The following MSX2 variants were observed in gnomAD, a reference collection of about 807,000 sequenced individuals.
MSX2 encodes homeobox protein MSX-2.
A neutral mutation model predicts 18.4 loss-of-function variants in MSX2; 10 were observed. The ratio of observed to expected loss-of-function variants is 0.54; its 90% CI spans 0.34 to 0.92. The LOEUF (loss-of-function observed/expected upper bound fraction) is 0.92, where lower values mean the gene tolerates loss of function less well. Among genes scored for constraint, MSX2 ranks in the 40% least tolerant of loss-of-function variants. The pLI is 0.02. For missense variants in MSX2, 339 were observed against 364.0 expected (o/e 0.93, Z 0.56); for synonymous variants, 170 against 165.6 (o/e 1.03, Z -0.20).
Position 174,724,633 on chromosome 5 carries a change from T to C in MSX2, c.-27T>C. Reference sequence around the variant, plus strand: ...GCCGGGTTGCCAGCGGAGTCGCGCGTCGGGAGCTACGTAGGGCAGAGAAGT... The same window carrying C: ...GCCGGGTTGCCAGCGGAGTCGCGCGCCGGGAGCTACGTAGGGCAGAGAAGT... On this transcript the variant is annotated 5_prime_UTR_variant, in exon 1 of 2. Transcript: ENST00000239243. 1 of 1,571,026 alleles carries C rather than the reference T, an allele frequency of 6.4e-7. No individual in the cohort carries two copies. The highest frequency in any genetic ancestry group is 8.6e-7 in the Non-Finnish European group (1 of 1,159,092).
In MSX2 at chr5:174,724,655, A is replaced by G. The variant is rs775764061; in HGVS notation, c.-5A>G. 7 of 1,586,388 alleles carry G rather than the reference A, an allele frequency of 4.4e-6. No homozygotes were observed. The African/African-American group carries it at 8.1e-5, about 18-fold the overall frequency. Reference sequence around the variant, plus strand: ...GCGTCGGGAGCTACGTAGGGCAGAGAAGTCATGGCTTCTCCGTCCAAAGGC... The same window carrying G: ...GCGTCGGGAGCTACGTAGGGCAGAGGAGTCATGGCTTCTCCGTCCAAAGGC... On this transcript the variant is annotated 5_prime_UTR_variant, in exon 1 of 2. Transcript: ENST00000239243.
In MSX2 at chr5:174,729,969, C is replaced by G. The variant is rs1760891768; in HGVS notation, c.*386C>G. On this transcript the variant is annotated 3_prime_UTR_variant, in exon 2 of 2. Transcript: ENST00000239243. ...CTATATCTCACCTTCCCAAAAGACA[C>G]TGTGTAAGTCCATTTGTTGTATTTT... 6.6e-6 allele frequency: 1 copy of G among 152,092 alleles called. No individual in the cohort carries two copies. The highest frequency in any genetic ancestry group is 1.5e-5 in the Non-Finnish European group (1 of 68,068). 9.4% of individuals were successfully genotyped at this position (152,092 alleles called of 1,614,324 possible). A position where few individuals can be genotyped will look rare whatever the true frequency, so the allele number is the denominator to read the frequency against.
In MSX2 at chr5:174,729,645, C is replaced by G; in HGVS notation, c.*62C>G. 6.5e-7 allele frequency: 1 copy of G among 1,549,926 alleles called. No individual in the cohort carries two copies. The highest frequency in any genetic ancestry group is 8.8e-7 in the Non-Finnish European group (1 of 1,134,868). On this transcript the variant is annotated 3_prime_UTR_variant, in exon 2 of 2. Transcript: ENST00000239243. ...GTTTCAAAGGGTTTCCTCTCCCTCT[C>G]CACGAAGGCAGTACCAGCCAGTACT... is the stretch of plus-strand genomic sequence containing the variant.
intron 1 of MSX2, 37 bp downstream of exon 1, chr5:174,725,075 G>T: frequency 3.7e-6 from 6 of 1,605,334 alleles, no homozygotes; most frequent in Non-Finnish European, 2.5e-6. Context: ...GAGGTAGCGC[G>T]GGGTACTGGA....
rs1472977973 is a variant in MSX2 at position 174,729,990 on chromosome 5, AT to A, written c.*411del. 1 of 152,056 alleles carries A rather than the reference AT, an allele frequency of 6.6e-6. No homozygotes were observed. Among genetic ancestry groups the A allele is most frequent in the Non-Finnish European group, 1.5e-5 (1 of 68,008 alleles). The allele number at this position is 152,056 out of a possible 1,614,324, so 9.4% of individuals were successfully genotyped here. ...GACACTGTGTAAGTCCATTTGTTGT[AT>A]TTTCTTAAAGAGGGAGACAAATTAT... is the stretch of plus-strand genomic sequence containing the variant. On this transcript the variant is annotated 3_prime_UTR_variant, in exon 2 of 2. Transcript: ENST00000239243.
chr5:174,725,193 G>A, intron 1 of MSX2, 155 bp downstream of exon 1: 2 of 1,222,006 alleles, frequency 1.6e-6, no homozygotes, highest in Admixed American at 5.7e-5. Flanking sequence ...GGTGCCCGGG[G>A]CGTTCGGCGC....
Position 174,725,097 on chromosome 5 carries a change from G to A in MSX2, c.379+59G>A, listed in dbSNP as rs2048152. ...CGCGGGGTACTGGAGGGAGCGGGGG[G>A]CGGGTGTTCCAGGGCTGAGGGTACC... is the stretch of plus-strand genomic sequence containing the variant. On this transcript the variant is annotated intron_variant, in intron 1 of 1. Transcript: ENST00000239243. The A allele has an allele frequency of 0.89, 1,415,100 of 1,590,150 alleles. 634,764 individuals are homozygous for A. Among genetic ancestry groups the A allele is most frequent in the East Asian group, 0.98 (43,023 of 44,034 alleles).
At chr5:174,728,398 A>G (rs1370489626) in intron 1 of MSX2, among the ~76,000 whole-genome samples, 1 of 145,118 alleles carries the variant, frequency 6.9e-6, no homozygotes, top group African/African-American at 2.6e-5. Flanking sequence ...TTCAGATTTT[A>G]TAATCTGTGG....
intron 1 of MSX2, among the ~76,000 whole-genome samples, 192 bp downstream of exon 1, chr5:174,725,230 CACCCTCTGGGTAATA>C (rs1383721729): frequency 6.6e-6 from 1 of 152,222 alleles, no homozygotes; most frequent in Non-Finnish European, 1.5e-5. Context: ...GCATCCAAGA[CACCCTCTGGGTAATA>C]ACCGCGCTGT....
At chr5:174,725,872 A>G (rs1213569837) in intron 1 of MSX2, among the ~76,000 whole-genome samples, 1 of 152,092 alleles carries the variant, frequency 6.6e-6, no homozygotes, top group Non-Finnish European at 1.5e-5. Flanking sequence ...TGACTACCCT[A>G]TTTTTCAGAC....
rs912118050 is a variant in MSX2 at position 174,730,588 on chromosome 5, A to AT, written c.*1005_*1006insT. On this transcript the variant is annotated 3_prime_UTR_variant, in exon 2 of 2. Coordinates refer to ENST00000239243, the MANE Select transcript of MSX2 (RefSeq NM_002449.5). ...ATTAGTAGATCCAGAAAGAAAAAAA[A>AT]ATATGCTTTCTCTGTGTGTGTACCT... The AT allele has an allele frequency of 4.6e-5, 7 of 151,748 alleles. No homozygotes were observed. Among genetic ancestry groups the AT allele is most frequent in the East Asian group, 1.9e-4 (1 of 5,152 alleles). The allele number at this position is 151,748 out of a possible 1,614,324, so 9.4% of individuals were successfully genotyped here.
intron 1 of MSX2, among the ~76,000 whole-genome samples, chr5:174,727,054 AAAAAAAAC>A (rs1232858362): frequency 8.8e-6 from 1 of 113,152 alleles, no homozygotes; most frequent in African/African-American, 2.6e-5. Context: ...ACTTAAAGTA[AAAAAAAAC>A]AAAAAAACAA....
intron 1 of MSX2, among the ~76,000 whole-genome samples, chr5:174,727,671 G>C (rs1760833918): frequency 6.6e-6 from 1 of 152,126 alleles, no homozygotes; most frequent in African/African-American, 2.4e-5. Flanking sequence ...AGACTTTTAT[G>C]GTAGTTTCTT....
rs1312388702 is a variant in MSX2, at chr5:174,729,397, A to G, written c.618A>G (p.Glu206=). ...AAAGACTGCAGGAGGCAGAACTGGA[A>G]AAGCTGAAAATGGCTGCAAAACCTA... is the stretch of plus-strand genomic sequence containing the variant. ...KAKRLQEAEL[E]KLKMAAKPML... is the part of the protein sequence containing the mutation. The change falls in exon 2 of 2, where the codon GAA becomes GAG. Residue 206 remains glutamate (E), a synonymous_variant. Transcript: ENST00000239243. 1 of 1,614,076 alleles carries G rather than the reference A, an allele frequency of 6.2e-7. No individual in the cohort carries two copies. Among genetic ancestry groups the G allele is most frequent in the Non-Finnish European group, 8.5e-7 (1 of 1,180,040 alleles).
At chr5:174,726,028 C>G (rs1760789256) in intron 1 of MSX2, among the ~76,000 whole-genome samples, 1 of 152,204 alleles carries the variant, frequency 6.6e-6, no homozygotes, top group Admixed American at 6.5e-5. Flanking sequence ...CCCAGAGAGA[C>G]TAGGTAGAGA....
intron 1 of MSX2, among the ~76,000 whole-genome samples, chr5:174,727,231 G>A (rs1021570366): frequency 1.3e-5 from 2 of 152,036 alleles, no homozygotes; most frequent in Admixed American, 1.3e-4. Flanking sequence ...GAGGAAGTAG[G>A]ATAAACGCTG....
rs530005338 is a variant in MSX2 at position 174,729,727 on chromosome 5, C to T, written c.*144C>T. 60 of 805,600 alleles carry T rather than the reference C, an allele frequency of 7.4e-5. No individual in the cohort carries two copies. The East Asian group carries it at 1.0e-3, about 14-fold the overall frequency. The allele number at this position is 805,600 out of a possible 1,614,324, so 49.9% of individuals were successfully genotyped here. A position where few individuals can be genotyped will look rare whatever the true frequency, so the allele number is the denominator to read the frequency against. On this transcript the variant is annotated 3_prime_UTR_variant, in exon 2 of 2. Coordinates refer to ENST00000239243, the MANE Select transcript of MSX2 (RefSeq NM_002449.5). ...AAGCGGCTAGGCTGACAGGGCCACACGACATAGCTGAAATTTGTTCTGTAG... is the reference window on the plus strand; with the variant it reads ...AAGCGGCTAGGCTGACAGGGCCACATGACATAGCTGAAATTTGTTCTGTAG...
At chr5:174,725,142 T>C (rs1440420730) in intron 1 of MSX2, 104 bp downstream of exon 1, 4 of 1,488,096 alleles carry the variant, frequency 2.7e-6, no homozygotes, top group African/African-American at 1.4e-5. Context: ...CTGCGTGCGC[T>C]ACACTCCCGG....
In MSX2 at chr5:174,730,688, TTTGAC is replaced by T. The variant is rs572556594; in HGVS notation, c.*1109_*1113del. 3.9e-5 allele frequency: 6 copies of T among 152,724 alleles called. No homozygotes were observed. The South Asian group carries it at 1.2e-3, about 32-fold the overall frequency. The allele number at this position is 152,724 out of a possible 1,614,324, so 9.5% of individuals were successfully genotyped here. On this transcript the variant is annotated 3_prime_UTR_variant, in exon 2 of 2. Coordinates refer to ENST00000239243, the MANE Select transcript of MSX2 (RefSeq NM_002449.5). ...TGGGGGGCAGAAGGTAAAGCCATGTTTTGACTTGGTGAAAATGGGATTGTCAAACA... is the reference window on the plus strand; with the variant it reads ...TGGGGGGCAGAAGGTAAAGCCATGTTTTGGTGAAAATGGGATTGTCAAACA...
Sources: gnomAD v4.1 joint callset for allele counts (sites outside exome capture counted in the v4.1 genomes callset) on GRCh38, gnomAD v4.1.1 for gene constraint, MANE v1.5 for transcripts, NCBI Gene and HGNC (gene_info 2026-07-23, HGNC 2026-07-21) for gene names.